Variants in ARMC2 observed in about 807,000 individuals in gnomAD.
ARMC2 encodes armadillo repeat-containing protein 2.
ARMC2 carries 67 observed loss-of-function variants against 90.3 expected under a neutral mutation model. The ratio of observed to expected loss-of-function variants is 0.74; its 90% confidence interval spans 0.61 to 0.91. ARMC2 has a LOEUF of 0.91. Among genes scored for constraint, ARMC2 ranks in the 40% least tolerant of loss-of-function variants. The pLI, the probability that ARMC2 is intolerant of heterozygous loss-of-function variation, is 0.00. For synonymous variants in ARMC2, 393 were observed against 393.0 expected, an observed-to-expected ratio of 1.00 and a Z score of 0.00; for missense variants, 920 against 1,030.9, an observed-to-expected ratio of 0.89 and a Z score of 1.47.
At chr6:108,924,413 G>A (rs1471909954) in intron 10 of ARMC2, among the ~76,000 whole-genome samples, 1 of 152,138 alleles carries the variant, frequency 6.6e-6, no homozygotes, top group Non-Finnish European at 1.5e-5. Flanking sequence ...AGCTACTCGG[G>A]AGGCTGAGGC....
At chr6:109,033,943 G>A in the ARMC2 span, among the ~76,000 whole-genome samples, 1 of 152,174 alleles carries the variant, frequency 6.6e-6, no homozygotes, top group Non-Finnish European at 1.5e-5. Context: ...CAGCATTAGA[G>A]TCTAACAACC....
At chr6:109,009,735 C>T in the ARMC2 span, among the ~76,000 whole-genome samples, 1 of 152,076 alleles carries the variant, frequency 6.6e-6, no homozygotes, top group Non-Finnish European at 1.5e-5. Context: ...ACCTTGGGGG[C>T]CCAGGTTCCC....
chr6:109,010,019 G>A, the ARMC2 span, among the ~76,000 whole-genome samples: 1 of 152,236 alleles, frequency 6.6e-6, no homozygotes, highest in Admixed American at 6.5e-5. Flanking sequence ...TGAATCGGCA[G>A]CAGAATGCAG....
intron 17 of ARMC2, among the ~76,000 whole-genome samples, chr6:108,965,369 G>T (rs1778285304): frequency 9.8e-6 from 1 of 102,190 alleles, no homozygotes. Context: ...TTTCTTCTAT[G>T]GCTTTTTTTT....
the ARMC2 span, among the ~76,000 whole-genome samples, chr6:109,046,389 A>G: frequency 3.3e-5 from 5 of 151,284 alleles, no homozygotes; most frequent in African/African-American, 9.7e-5. Context: ...TCAGTGCTCA[A>G]TGGTGCCCAG....
rs145469754 is a variant in ARMC2 at position 108,854,879 on chromosome 6, C to A, written c.218+394C>A. ...TAGTTTCACTGCCCTACAAATTCTTCACTCTGCTTATTTTTCACTTCCTTC... is the reference window on the plus strand; with the variant it reads ...TAGTTTCACTGCCCTACAAATTCTTAACTCTGCTTATTTTTCACTTCCTTC... On this transcript the variant is annotated intron_variant, in intron 2 of 17. Transcript: ENST00000392644. Among the ~76,000 whole-genome samples the A allele has an allele frequency of 4.1e-3, 618 of 152,316 alleles. 2 individuals are homozygous for A. Among genetic ancestry groups the A allele is most frequent in the African/African-American group, 0.014 (579 of 41,572 alleles).
the ARMC2 span, chr6:109,009,406 C>T: frequency 6.9e-7 from 1 of 1,459,164 alleles, no homozygotes; most frequent in Non-Finnish European, 9.0e-7. Context: ...CCCAGCAGCC[C>T]CGAGACCGCC....
chr6:108,922,403 G>T (rs538699197), intron 10 of ARMC2, among the ~76,000 whole-genome samples: 19 of 152,050 alleles, frequency 1.2e-4, no homozygotes, highest in Non-Finnish European at 2.5e-4. Flanking sequence ...CATGAGAGTC[G>T]CTGGGATTAC....
Position 108,912,370 on chromosome 6 carries a change from C to A in ARMC2, c.1162C>A (p.Gln388Lys). The part of the protein sequence containing the change: ...LLEVLRSEDL[Q>K]TNMEAFLYCM... ...GGAGGTACTAAGAAGTGAAGACCTG[C>A]AAACTAACATGGAAGCTTTTTTATA... Residue 388 changes from glutamine to lysine, a missense_variant, in exon 10 of 18, where the codon CAA becomes AAA. Physicochemically the swap from Gln to Lys is moderately conservative, Grantham distance 53. Transcript: ENST00000392644. The A allele has an allele frequency of 1.2e-6, 2 of 1,611,072 alleles. No individual in the cohort carries two copies. Among genetic ancestry groups the A allele is most frequent in the African/African-American group, 1.3e-5 (1 of 74,842 alleles).
intron 4 of ARMC2, among the ~76,000 whole-genome samples, chr6:108,870,569 GAGGGAAGGAGGAAAGGAAAGAAA>G: frequency 7.3e-6 from 1 of 136,786 alleles, no homozygotes; most frequent in South Asian, 2.5e-4. Flanking sequence ...GGGAAGGAGA[GAGGGAAGGAGGAAAGGAAAGAAA>G]AAAGGAAAGA....
At chr6:109,021,631 G>T in the ARMC2 span, among the ~76,000 whole-genome samples, 1 of 151,848 alleles carries the variant, frequency 6.6e-6, no homozygotes, top group Non-Finnish European at 1.5e-5. Flanking sequence ...TAGTGGAGAC[G>T]GGGTTTCACT....
At chr6:108,857,086 T>C (rs1774707607) in intron 2 of ARMC2, among the ~76,000 whole-genome samples, 2 of 152,202 alleles carry the variant, frequency 1.3e-5, no homozygotes, top group Non-Finnish European at 2.9e-5. Flanking sequence ...TTAGAATCAG[T>C]TTGTCAATGT....
intron 10 of ARMC2, among the ~76,000 whole-genome samples, chr6:108,915,370 A>G (rs936017185): frequency 6.6e-6 from 1 of 152,188 alleles, no homozygotes; most frequent in Admixed American, 6.5e-5. Flanking sequence ...GAGGGCCAAA[A>G]AGATACAAGC....
chr6:109,009,300 C>T, the ARMC2 span: 1 of 1,400,110 alleles, frequency 7.1e-7, no homozygotes, highest in Non-Finnish European at 9.4e-7. Context: ...CAGGGCAGCT[C>T]GGCCGGGTGC....
intron 9 of ARMC2, among the ~76,000 whole-genome samples, chr6:108,911,509 A>G (rs747030589): frequency 9.2e-5 from 14 of 152,138 alleles, no homozygotes; most frequent in Non-Finnish European, 1.6e-4. Context: ...CTAAATGGAA[A>G]TCTTTTTATT....
intron 10 of ARMC2, among the ~76,000 whole-genome samples, chr6:108,917,833 A>G (rs955103877): frequency 3.3e-5 from 5 of 152,066 alleles, no homozygotes; most frequent in Admixed American, 3.3e-4. Flanking sequence ...TTTTTAGTAC[A>G]AAACTAAAAT....
intron 17 of ARMC2, among the ~76,000 whole-genome samples, chr6:108,968,809 T>C (rs1015098712): frequency 6.6e-6 from 1 of 152,200 alleles, no homozygotes; most frequent in Admixed American, 6.5e-5. Context: ...TCTATAGTAA[T>C]GTAAGTTACC....
At chr6:109,043,871 T>C in the ARMC2 span, among the ~76,000 whole-genome samples, 3 of 152,192 alleles carry the variant, frequency 2.0e-5, no homozygotes, top group African/African-American at 7.2e-5. Context: ...GCAAAAGACC[T>C]AGAACAGTCA....
intron 10 of ARMC2, among the ~76,000 whole-genome samples, chr6:108,913,000 G>A (rs1300374003): frequency 6.6e-6 from 1 of 152,188 alleles, no homozygotes; most frequent in Non-Finnish European, 1.5e-5. Context: ...ACTGAGGTGG[G>A]TATGTAGATA....
Sources: gnomAD v4.1 joint callset for allele counts (sites outside exome capture counted in the v4.1 genomes callset) on GRCh38, gnomAD v4.1.1 for gene constraint, MANE v1.5 for transcripts, NCBI Gene and HGNC (gene_info 2026-07-23, HGNC 2026-07-21) for gene names.